The following ITPR1 variants were observed in gnomAD, a reference collection of about 807,000 sequenced individuals.
ITPR1 encodes inositol 1,4,5-trisphosphate-gated calcium channel ITPR1.
A neutral mutation model predicts 318.4 loss-of-function variants in ITPR1; 96 were observed. The ratio of observed to expected loss-of-function variants is 0.30; its 90% confidence interval spans 0.26 to 0.36. ITPR1 has a LOEUF of 0.36. Among genes scored for constraint, ITPR1 ranks in the 10% least tolerant of loss-of-function variants. The pLI, the probability that ITPR1 is intolerant of heterozygous loss-of-function variation, is 1.00. For missense variants in ITPR1, 2,440 were observed against 3,460.2 expected, an observed-to-expected ratio of 0.71 and a Z score of 7.40; for synonymous variants, 1,312 against 1,289.9, an observed-to-expected ratio of 1.02 and a Z score of -0.37.
intron 49 of ITPR1, among the ~76,000 whole-genome samples, chr3:4,780,763 T>A (rs562701211): frequency 6.6e-6 from 1 of 152,278 alleles, no homozygotes; most frequent in South Asian, 2.1e-4. Flanking sequence ...CTTATGTAAC[T>A]GGGGATCACT....
Position 4,683,395 on chromosome 3 carries a change from C to T in ITPR1, c.3171C>T (p.Asn1057=), listed in dbSNP as rs749500478. 5.6e-6 allele frequency: 9 copies of T among 1,613,934 alleles called. No individual in the cohort carries two copies. Among genetic ancestry groups the T allele is most frequent in the African/African-American group, 5.3e-5 (4 of 74,930 alleles). ...CCTTGTGCTCCTTTAGTGAGGAGAA[C>T]ACCCCACTGGACTTGGATGACCACG... The part of the protein sequence containing the change: ...AEGIFGGSEE[N]TPLDLDDHGG... The change falls in exon 27 of 62, where the codon AAC becomes AAT. Residue 1057 remains asparagine (N), a synonymous_variant. Transcript: ENST00000649015.
intron 48 of ITPR1, 46 bp downstream of exon 48, chr3:4,777,420 CTT>C: frequency 7.9e-7 from 1 of 1,261,402 alleles, no homozygotes; most frequent in South Asian, 1.3e-5. Flanking sequence ...GAAACAGTCA[CTT>C]TTGTGTTTTG....
In ITPR1 at chr3:4,733,191, C is replaced by A; in HGVS notation, c.5324C>A (p.Ala1775Glu). The change falls in exon 43 of 62, where the codon GCA (alanine) becomes GAA (glutamate). Residue 1775 changes from alanine (A) to glutamate (E), a missense_variant. By Grantham distance (107) the Ala-to-Glu change is moderately radical. Around this residue, in one of 23 missense-constraint regions of ITPR1, gnomAD observed 166 missense variants for 143.7 expected, o/e 1.16. Transcript: ENST00000649015. ...LTSFGNGPLS[A>E]GGPGKPGGGG... is the part of the protein sequence containing the mutation. ...AGCTTTGGCAATGGCCCACTGTCAG[C>A]AGGAGGACCCGGCAAGCCCGGGGGA... The A allele has an allele frequency of 6.2e-7, 1 of 1,613,988 alleles. No homozygotes were observed.
intron 6 of ITPR1, 98 bp from the exon 7 acceptor site, chr3:4,641,995 G>T (rs1465464567): frequency 2.1e-6 from 2 of 930,710 alleles, no homozygotes; most frequent in Admixed American, 2.8e-5. Context: ...CTCAATGGTG[G>T]GAGGAATGTT....
At chr3:4,520,542 C>T (rs1008121917) in intron 3 of ITPR1, among the ~76,000 whole-genome samples, 2 of 152,162 alleles carry the variant, frequency 1.3e-5, no homozygotes, top group African/African-American at 4.8e-5. Context: ...AGGCACAGTT[C>T]GCTTCTGGCT....
intron 10 of ITPR1, among the ~76,000 whole-genome samples, chr3:4,648,303 GT>G (rs1347917487): frequency 1.4e-4 from 21 of 151,696 alleles, no homozygotes; most frequent in South Asian, 8.4e-4. Context: ...TTGCCCTTTA[GT>G]TACTCTATGT....
chr3:4,548,140 A>T (rs1292137100), intron 4 of ITPR1, among the ~76,000 whole-genome samples: 1 of 152,246 alleles, frequency 6.6e-6, no homozygotes, highest in East Asian at 1.9e-4. Context: ...ATAAGACTTT[A>T]TCTGACTGTA....
intron 4 of ITPR1, among the ~76,000 whole-genome samples, chr3:4,598,225 C>T (rs901648407): frequency 6.6e-6 from 1 of 152,208 alleles, no homozygotes; most frequent in African/African-American, 2.4e-5. Context: ...CTGTGCATGT[C>T]ATATGGTAGT....
chr3:4,701,313 G>A (rs2094647676), intron 35 of ITPR1, among the ~76,000 whole-genome samples: 1 of 152,212 alleles, frequency 6.6e-6, no homozygotes, highest in Non-Finnish European at 1.5e-5. Flanking sequence ...CAGGGTGATG[G>A]TGAAGGCTAA....
At chr3:4,716,832 TATAG>T (rs2041801126) in intron 39 of ITPR1, among the ~76,000 whole-genome samples, 1 of 152,188 alleles carries the variant, frequency 6.6e-6, no homozygotes, top group African/African-American at 2.4e-5. Context: ...CTAGAGGGAA[TATAG>T]TTTCCTTTAA....
chr3:4,669,070 C>G (rs2094015467), intron 18 of ITPR1, among the ~76,000 whole-genome samples: 1 of 152,210 alleles, frequency 6.6e-6, no homozygotes, highest in Non-Finnish European at 1.5e-5. Flanking sequence ...AAAACACCTA[C>G]TACCACCCTT....
intron 44 of ITPR1, among the ~76,000 whole-genome samples, chr3:4,761,199 C>T (rs992758475): frequency 1.3e-5 from 2 of 152,126 alleles, no homozygotes; most frequent in African/African-American, 4.8e-5. Context: ...GTATATTGTG[C>T]GATGCTGAGG....
At chr3:4,561,255 T>C (rs2086646687) in intron 4 of ITPR1, among the ~76,000 whole-genome samples, 1 of 152,228 alleles carries the variant, frequency 6.6e-6, no homozygotes, top group South Asian at 2.1e-4. Context: ...AAATTCTATC[T>C]TAACAAGTGC....
rs2045963524 is a variant in ITPR1, at chr3:4,768,505, T to C, written c.5726-6T>C. The stretch of plus-strand genomic sequence containing the variant: ...CAGCCTTTCATGCCTTATGCTTGCT[T>C]TCTAGCTAAAGAGCCCACAACACAG... On this transcript the variant is annotated splice_polypyrimidine_tract_variant and splice_region_variant and intron_variant, in intron 45 of 61. Coordinates refer to ENST00000649015, the MANE Select transcript of ITPR1 (RefSeq NM_001378452.1). The C allele has an allele frequency of 1.9e-6, 3 of 1,599,688 alleles. No individual in the cohort carries two copies. In the East Asian group the frequency reaches 6.7e-5, roughly 36 times the overall value.
intron 61 of ITPR1, among the ~76,000 whole-genome samples, chr3:4,842,595 T>G (rs2106554189): frequency 6.6e-6 from 1 of 152,322 alleles, no homozygotes; most frequent in East Asian, 1.9e-4. Flanking sequence ...CTCGAACTCC[T>G]GGCCTCAAGT....
At chr3:4,668,212 C>T (rs1576004822) in intron 18 of ITPR1, among the ~76,000 whole-genome samples, 1 of 141,698 alleles carries the variant, frequency 7.1e-6, no homozygotes, top group African/African-American at 2.8e-5. Flanking sequence ...TTCGTTCTTT[C>T]TATTTTTTTT....
At chr3:4,517,018 A>G (rs1163418298) in intron 3 of ITPR1, among the ~76,000 whole-genome samples, 2 of 152,206 alleles carry the variant, frequency 1.3e-5, no homozygotes, top group Non-Finnish European at 2.9e-5. Flanking sequence ...TGGGCTGCCT[A>G]TCTCTTTTCT....
At chr3:4,541,631 A>G (rs1190109014) in intron 4 of ITPR1, among the ~76,000 whole-genome samples, 1 of 147,674 alleles carries the variant, frequency 6.8e-6, no homozygotes. Context: ...TTCAAATACC[A>G]CTTTTTTTTT....
intron 52 of ITPR1, among the ~76,000 whole-genome samples, chr3:4,792,074 G>C (rs1047779791): frequency 2.0e-5 from 3 of 152,084 alleles, no homozygotes; most frequent in African/African-American, 4.8e-5. Flanking sequence ...TGTGGCCCCC[G>C]GCCCCTCCCT....
Sources: allele counts gnomAD v4.1 joint callset (sites outside exome capture counted in the v4.1 genomes callset), GRCh38; gene constraint gnomAD v4.1.1; regional missense constraint gnomAD v4.1.1; transcripts MANE v1.5; gene names NCBI Gene and HGNC (gene_info 2026-07-23, HGNC 2026-07-21).